PHKA1: variants seen among roughly 807,000 people sequenced by gnomAD.
PHKA1 encodes phosphorylase kinase regulatory subunit alpha 1, also known as phosphorylase b kinase regulatory subunit alpha, skeletal muscle isoform.
In PHKA1, 60 loss-of-function variants were observed where a neutral mutation model predicts 110.2. The observed-to-expected ratio is 0.54, with a 90% CI of 0.44 to 0.68. PHKA1 has a LOEUF of 0.68. Ranked by LOEUF, PHKA1 falls within the 30% of genes least tolerant of loss-of-function variation. The pLI is 0.00. For missense variants in PHKA1, 801 were observed against 942.5 expected (o/e 0.85, Z 1.97); for synonymous variants, 316 against 333.6 (o/e 0.95, Z 0.58).
chrX:72,595,191 G>A (rs781892630), intron 28 of PHKA1, among the ~76,000 whole-genome samples: 6 of 111,314 alleles, frequency 5.4e-5, no homozygotes, highest in African/African-American at 1.3e-4. Flanking sequence ...GATAAAAAAC[G>A]CATCATCTTA....
At chrX:72,586,021 A>T (rs2052423015) in intron 29 of PHKA1, among the ~76,000 whole-genome samples, 1 of 112,346 alleles carries the variant, frequency 8.9e-6, no homozygotes, top group African/African-American at 3.2e-5. Context: ...GGCAGCAGAA[A>T]CTTATGCAGA....
At chrX:72,670,308 T>C (rs1350335421) in intron 6 of PHKA1, among the ~76,000 whole-genome samples, 2 of 112,035 alleles carry the variant, frequency 1.8e-5, no homozygotes, top group Non-Finnish European at 3.8e-5. Flanking sequence ...GCAAAAATTT[T>C]CTCCCATTCT....
At chrX:72,591,043 C>T (rs2052512356) in intron 29 of PHKA1, among the ~76,000 whole-genome samples, 1 of 111,576 alleles carries the variant, frequency 9.0e-6, no homozygotes, top group African/African-American at 3.3e-5. Context: ...ACCATTCGAC[C>T]CAGCAATCCC....
In PHKA1 at chrX:72,644,420, C is replaced by T. The variant is rs782491320; in HGVS notation, c.1401G>A (p.Glu467=). The T allele has an allele frequency of 2.5e-4, 307 of 1,205,517 alleles. 2 individuals carry two copies. In the South Asian group the frequency reaches 5.0e-3, roughly 20 times the overall value. ...DKGIYVETIA[E]VYPIRVQPAR... ...CTGGTTGTACTCTGATGGGGTATAC[C>T]TCAGCAATGGTCTCCACGTAAATTC... is the stretch of plus-strand genomic sequence containing the variant. The change falls in exon 14 of 32, where the codon GAG becomes GAA. Residue 467 remains glutamate, a synonymous_variant. Transcript: ENST00000373542.
intron 6 of PHKA1, among the ~76,000 whole-genome samples, chrX:72,671,135 G>A (rs1351845151): frequency 9.0e-6 from 1 of 111,040 alleles, no homozygotes; most frequent in Non-Finnish European, 1.9e-5. Flanking sequence ...AGGAAAAGAG[G>A]AAGTCAAATT....
At chrX:72,681,385 G>C (rs1282656809) in intron 5 of PHKA1, among the ~76,000 whole-genome samples, 6 of 112,786 alleles carry the variant, frequency 5.3e-5, no homozygotes, top group Non-Finnish European at 9.4e-5. Context: ...CCCCATCTGG[G>C]AGGGAGGTGG....
chrX:72,587,073 T>C (rs1386007098), intron 29 of PHKA1, among the ~76,000 whole-genome samples: 1 of 109,381 alleles, frequency 9.1e-6, no homozygotes, highest in East Asian at 2.9e-4. Flanking sequence ...ATTCAGGAAA[T>C]AAAGAGAACA....
At chrX:72,587,674 T>C (rs368163351) in intron 29 of PHKA1, among the ~76,000 whole-genome samples, 1 of 111,383 alleles carries the variant, frequency 9.0e-6, no homozygotes, top group East Asian at 2.8e-4. Context: ...CAGTGTGCTG[T>C]ATTCAGGAGA....
intron 14 of PHKA1, 130 bp from the exon 15 acceptor site, chrX:72,636,516 C>G: frequency 2.1e-6 from 1 of 483,220 alleles, no homozygotes. Flanking sequence ...CACACACATC[C>G]ACTGTATTTC....
chrX:72,645,628 C>A (rs1556296952), intron 13 of PHKA1, among the ~76,000 whole-genome samples: 2 of 111,780 alleles, frequency 1.8e-5, no homozygotes, highest in Non-Finnish European at 3.8e-5. Context: ...TGAGGACAGT[C>A]CAGGAAAAAA....
intron 26 of PHKA1, among the ~76,000 whole-genome samples, chrX:72,602,652 T>G (rs1556245044): frequency 8.9e-6 from 1 of 112,206 alleles, no homozygotes; most frequent in African/African-American, 3.2e-5. Context: ...TTTGCTCTGC[T>G]GCTTTAGGTA....
chrX:72,662,882 A>C (rs2147776042), intron 8 of PHKA1, among the ~76,000 whole-genome samples: 1 of 110,942 alleles, frequency 9.0e-6, no homozygotes, highest in East Asian at 2.8e-4. Flanking sequence ...CCAACACCTT[A>C]GGACCCATCT....
chrX:72,699,803 A>G (rs782335991), intron 3 of PHKA1, among the ~76,000 whole-genome samples: 2 of 111,529 alleles, frequency 1.8e-5, no homozygotes, highest in South Asian at 7.6e-4. Flanking sequence ...ATGCCAATCA[A>G]AATAAGCTGC....
intron 28 of PHKA1, among the ~76,000 whole-genome samples, chrX:72,594,722 G>A (rs960638344): frequency 1.8e-5 from 2 of 112,669 alleles, no homozygotes; most frequent in Non-Finnish European, 3.8e-5. Flanking sequence ...AGGCTGAGGC[G>A]GAAGGATTGC....
chrX:72,642,113 T>G (rs782190125), intron 14 of PHKA1, among the ~76,000 whole-genome samples: 2 of 112,066 alleles, frequency 1.8e-5, no homozygotes, highest in African/African-American at 6.5e-5. Flanking sequence ...GAATGTTTGA[T>G]CATCATTAAG....
Position 72,653,473 on chromosome X carries a change from G to C in PHKA1, c.1099C>G (p.Pro367Ala), listed in dbSNP as rs868985947. The change falls in exon 11 of 32, where the codon CCA becomes GCA. Residue 367 changes from proline to alanine, a missense_variant. Transcript: ENST00000373542. Reference protein sequence around the residue: ...AVLIKGKNGVPLLPELYSVPP... With the variant: ...AVLIKGKNGVALLPELYSVPP... ...ACACTGTACAGCTCTGGCAGAAGTG[G>C]GACTCCATTTTTGCCCTTGATGAGG... The C allele has an allele frequency of 8.3e-7, 1 of 1,207,231 alleles. No homozygotes were observed. The highest frequency in any genetic ancestry group is 1.1e-6 in the Non-Finnish European group (1 of 891,891).
chrX:72,644,341 C>A, intron 14 of PHKA1, 21 bp downstream of exon 14: 3 of 1,205,360 alleles, frequency 2.5e-6, no homozygotes, highest in Non-Finnish European at 3.4e-6. Context: ...TTGATTCTAG[C>A]AGGCTAGCCA....
At chrX:72,653,572 G>T in intron 10 of PHKA1, 42 bp from the exon 11 acceptor site, 1 of 903,046 alleles carries the variant, frequency 1.1e-6, no homozygotes, top group Non-Finnish European at 1.6e-6. Flanking sequence ...CTTACAGAGA[G>T]TCCCTTTGGG....
chrX:72,642,078 T>C (rs2053303728), intron 14 of PHKA1, among the ~76,000 whole-genome samples: 1 of 112,320 alleles, frequency 8.9e-6, no homozygotes, highest in African/African-American at 3.2e-5. Flanking sequence ...GGAAGATAAA[T>C]GTCCACTTGT....
Sources: gnomAD v4.1 joint callset for allele counts (sites outside exome capture counted in the v4.1 genomes callset) on GRCh38, gnomAD v4.1.1 for gene constraint, MANE v1.5 for transcripts, NCBI Gene and HGNC (gene_info 2026-07-23, HGNC 2026-07-21) for gene names.